Variants in ADCY7 observed in about 807,000 individuals in gnomAD.
ADCY7 encodes the protein adenylate cyclase type 7.
A neutral mutation model predicts 120.6 loss-of-function variants in ADCY7; 72 were observed. The observed-to-expected ratio is 0.60, with a 90% CI of 0.49 to 0.73. The LOEUF is 0.73. Ranked by LOEUF, ADCY7 falls within the 30% of genes least tolerant of loss-of-function variation. The probability of loss-of-function intolerance (pLI) is 0.00; values close to 1 mark genes in which losing one functional copy is unlikely to be tolerated. For synonymous variants in ADCY7, 661 were observed against 628.0 expected, an observed-to-expected ratio of 1.05 and a Z score of -0.78; for missense variants, 1,227 against 1,486.0, an observed-to-expected ratio of 0.83 and a Z score of 2.87.
intron 1 of ADCY7, among the ~76,000 whole-genome samples, chr16:50,274,574 C>T (rs1261161813): frequency 6.6e-6 from 1 of 152,114 alleles, no homozygotes; most frequent in Non-Finnish European, 1.5e-5. Context: ...CTCAGGAAGC[C>T]TCGGGGAAGT....
chr16:50,245,878 T>G (rs1367388661), upstream of ADCY7, among the ~76,000 whole-genome samples: 1 of 151,428 alleles, frequency 6.6e-6, no homozygotes, highest in Non-Finnish European at 1.5e-5. Flanking sequence ...TGGGACGCCT[T>G]TCCTTCCTGC....
At position 50,312,994 on chromosome 16, in the gene ADCY7, G is replaced by C. The variant is rs1205970928; in HGVS notation, c.2709G>C (p.Glu903Asp). Reference sequence around the variant, plus strand: ...GCGATGTCAACAAAGAAGGGCTGGAGTGCCTACGCCTGCTCAATGAGATCA... The same window carrying C: ...GCGATGTCAACAAAGAAGGGCTGGACTGCCTACGCCTGCTCAATGAGATCA... ...TECDVNKEGL[E>D]CLRLLNEIIA... The change falls in exon 22 of 26, where the codon GAG (glutamate) becomes GAC (aspartate). Residue 903 changes from glutamate to aspartate, a missense_variant. Physicochemically the swap from Glu to Asp is conservative, Grantham distance 45. Around this residue, in one of 5 missense-constraint regions of ADCY7, gnomAD observed 244 missense variants for 332.8 expected, o/e 0.73. Coordinates refer to ENST00000673801, the MANE Select transcript of ADCY7 (RefSeq NM_001114.5). 6.2e-7 allele frequency: 1 copy of C among 1,614,258 alleles called. No individual in the cohort carries two copies. The highest frequency in any genetic ancestry group is 1.7e-5 in the Admixed American group (1 of 60,028).
intron 1 of ADCY7, among the ~76,000 whole-genome samples, chr16:50,252,349 C>A (rs559911893): frequency 6.6e-6 from 1 of 152,168 alleles, no homozygotes; most frequent in Admixed American, 6.5e-5. Context: ...ACTGGTCCCC[C>A]GCCAGCCTGG....
At chr16:50,274,716 C>T (rs1218522204) in intron 1 of ADCY7, among the ~76,000 whole-genome samples, 4 of 152,120 alleles carry the variant, frequency 2.6e-5, no homozygotes, top group Non-Finnish European at 2.9e-5. Flanking sequence ...TAGGCAGTGA[C>T]GCCTCACTGA....
intron 1 of ADCY7, among the ~76,000 whole-genome samples, chr16:50,247,006 G>A (rs753403619): frequency 2.6e-5 from 4 of 152,264 alleles, no homozygotes; most frequent in Non-Finnish European, 5.9e-5. Flanking sequence ...TGTGTGGTCG[G>A]CTGAAGCCCC....
intron 1 of ADCY7, among the ~76,000 whole-genome samples, chr16:50,246,575 T>C (rs1417915843): frequency 6.6e-6 from 1 of 152,014 alleles, no homozygotes; most frequent in East Asian, 1.9e-4. Context: ...GGGGGCTGGC[T>C]CGGGGCGGCG....
chr16:50,291,663 G>A, intron 3 of ADCY7, 73 bp from the exon 4 acceptor site: 3 of 1,589,402 alleles, frequency 1.9e-6, no homozygotes, highest in South Asian at 2.2e-5. Flanking sequence ...GGCTGCTGTG[G>A]TGCAGGGTTC....
rs1205618798 is a variant in ADCY7 at position 50,317,749 on chromosome 16, ATTTTG to A, written c.*2249_*2253del. ...AAATTACCAAGTAATTACTGGTGTC[ATTTTG>A]TTTTATGACAGACACACGTATCTAA... On this transcript the variant is annotated 3_prime_UTR_variant, in exon 26 of 26. Coordinates refer to ENST00000673801, the MANE Select transcript of ADCY7 (RefSeq NM_001114.5). The A allele has an allele frequency of 6.6e-6, 1 of 152,350 alleles. No individual in the cohort carries two copies. Among genetic ancestry groups the A allele is most frequent in the Admixed American group, 6.5e-5 (1 of 15,288 alleles). 9.4% of individuals were successfully genotyped at this position (152,350 alleles called of 1,614,324 possible).
In ADCY7 at chr16:50,309,062, C is replaced by T. The variant is rs569845622; in HGVS notation, c.2061+270C>T. The T allele has an allele frequency of 2.4e-3, 958 of 400,180 alleles. 5 individuals carry two copies. The highest frequency in any genetic ancestry group is 7.3e-3 in the African/African-American group (354 of 48,590). The allele number at this position is 400,180 out of a possible 1,614,324, so 24.8% of individuals were successfully genotyped here. A position where few individuals can be genotyped will look rare whatever the true frequency, so the allele number is the denominator to read the frequency against. On this transcript the variant is annotated intron_variant, in intron 17 of 25. Transcript: ENST00000673801. ...ATCCTGACATCCCATTCATTCTTCA[C>T]GGCCCTTCTGAGACTCAGTTTCCCC...
chr16:50,248,572 A>T (rs951316455), intron 1 of ADCY7, among the ~76,000 whole-genome samples: 2 of 152,272 alleles, frequency 1.3e-5, no homozygotes, highest in African/African-American at 4.8e-5. Flanking sequence ...TACCCTGTAT[A>T]AAAATTTAGG....
rs34381393 is a variant in ADCY7, at chr16:50,296,361, A to ATTTTT, written c.948+1622_948+1626dup. The stretch of plus-strand genomic sequence containing the variant: ...CACCATCATGCCCTGCCCCATCAGA[A>ATTTTT]TTTTTTTTTTTTTTTTGAGACGGAG... On this transcript the variant is annotated intron_variant, in intron 7 of 25. Transcript: ENST00000673801. Among the ~76,000 whole-genome samples, 34 of 139,552 alleles carry ATTTTT rather than the reference A, an allele frequency of 2.4e-4. 1 individual carries two copies. Among genetic ancestry groups the ATTTTT allele is most frequent in the South Asian group, 2.3e-4 (1 of 4,346 alleles). The allele number at this position is 139,552 out of a possible 152,430, so 91.6% of individuals were successfully genotyped here. A position where few individuals can be genotyped will look rare whatever the true frequency, so the allele number is the denominator to read the frequency against.
At chr16:50,305,001 C>T in intron 12 of ADCY7, 42 bp downstream of exon 12, 1 of 1,611,484 alleles carries the variant, frequency 6.2e-7, no homozygotes, top group South Asian at 1.1e-5. Context: ...CTGCAGCCAC[C>T]TCCTCCAAGC....
At chr16:50,289,112 T>C (rs2034771152) in intron 2 of ADCY7, 1 of 252,998 alleles carries the variant, frequency 4.0e-6, no homozygotes, top group Non-Finnish European at 8.0e-6. Flanking sequence ...CTGCCCTCAC[T>C]TCCTGTACCC....
chr16:50,305,908 G>A, intron 14 of ADCY7, 59 bp downstream of exon 14: 1 of 1,557,442 alleles, frequency 6.4e-7, no homozygotes, highest in Non-Finnish European at 8.8e-7. Flanking sequence ...CTGGGGTAGG[G>A]TGGGGGACGC....
At chr16:50,295,917 T>A (rs918731114) in intron 7 of ADCY7, among the ~76,000 whole-genome samples, 2 of 152,130 alleles carry the variant, frequency 1.3e-5, no homozygotes, top group Non-Finnish European at 2.9e-5. Context: ...AGGGCAGGCT[T>A]CCTGGAAGTG....
At chr16:50,290,378 C>G in intron 2 of ADCY7, 79 bp from the exon 3 acceptor site, 1 of 1,523,188 alleles carries the variant, frequency 6.6e-7, no homozygotes, top group East Asian at 2.3e-5. Context: ...AGTGAGGCAG[C>G]CGGCCCGGCA....
At chr16:50,314,197 A>G in intron 23 of ADCY7, 95 bp from the exon 24 acceptor site, 1 of 1,416,564 alleles carries the variant, frequency 7.1e-7, no homozygotes, top group East Asian at 2.3e-5. Context: ...CCAGGATTTT[A>G]GTGGTGGGGA....
At chr16:50,271,758 G>A (rs147841779) in intron 1 of ADCY7, among the ~76,000 whole-genome samples, 1 of 152,268 alleles carries the variant, frequency 6.6e-6, no homozygotes, top group Admixed American at 6.5e-5. Context: ...CCCAACTGCT[G>A]CTTGGCTGTG....
Position 50,317,335 on chromosome 16 carries a change from G to C in ADCY7, c.*1830G>C, listed in dbSNP as rs1318071143. 6.6e-6 allele frequency: 1 copy of C among 152,366 alleles called. No homozygotes were observed. Among genetic ancestry groups the C allele is most frequent in the African/African-American group, 2.4e-5 (1 of 41,454 alleles). 9.4% of individuals were successfully genotyped at this position (152,366 alleles called of 1,614,324 possible). ...TTTACATGAAGGGCTGGTTTCACAT[G>C]AATACTATACTGAAATCTGTGCTCT... On this transcript the variant is annotated 3_prime_UTR_variant, in exon 26 of 26. Transcript: ENST00000673801.
Sources: gnomAD v4.1 joint callset for allele counts (sites outside exome capture counted in the v4.1 genomes callset) on GRCh38, gnomAD v4.1.1 for gene constraint, gnomAD v4.1.1 regional missense constraint, MANE v1.5 for transcripts, NCBI Gene and HGNC (gene_info 2026-07-23, HGNC 2026-07-21) for gene names.